The following DCUN1D4 variants were observed in gnomAD, a reference collection of about 807,000 sequenced individuals.
The protein encoded by DCUN1D4 is DCN1-like protein 4.
In DCUN1D4, 22 loss-of-function variants were observed where a neutral mutation model predicts 47.9. The observed-to-expected ratio is 0.46, with a 90% CI of 0.33 to 0.66. The LOEUF (loss-of-function observed/expected upper bound fraction) is 0.66, where lower values mean the gene tolerates loss of function less well. Among genes scored for constraint, DCUN1D4 ranks in the 30% least tolerant of loss-of-function variants. The probability of loss-of-function intolerance (pLI) is 0.02; values close to 1 mark genes in which losing one functional copy is unlikely to be tolerated. For synonymous variants in DCUN1D4, 121 were observed against 112.2 expected, an observed-to-expected ratio of 1.08 and a Z score of -0.50; for missense variants, 301 against 340.8, an observed-to-expected ratio of 0.88 and a Z score of 0.92.
chr4:51,887,698 A>C (rs575800268), intron 6 of DCUN1D4, among the ~76,000 whole-genome samples: 4 of 152,322 alleles, frequency 2.6e-5, no homozygotes, highest in Admixed American at 6.5e-5. Context: ...GGCTGTTTCC[A>C]AGACATCTGG....
chr4:51,891,878 G>A, intron 7 of DCUN1D4, 27 bp downstream of exon 7: 4 of 1,547,636 alleles, frequency 2.6e-6, no homozygotes, highest in South Asian at 1.2e-5. Context: ...ACTAGTGGGG[G>A]TCCCTGCCCT....
At chr4:51,849,294 G>A (rs980399937) in intron 1 of DCUN1D4, among the ~76,000 whole-genome samples, 17 of 152,300 alleles carry the variant, frequency 1.1e-4, no homozygotes, top group African/African-American at 3.9e-4. Flanking sequence ...TGCTTCTAGA[G>A]GCAAGGTCTA....
At position 51,914,794 on chromosome 4, in the gene DCUN1D4, A is replaced by G. The variant is rs1038009637; in HGVS notation, c.*1210A>G. ...TGGATGAGGAAACAAGAATAAACAG[A>G]ATGGTATTTTTAGGTTTGTATTTTA... On this transcript the variant is annotated 3_prime_UTR_variant, in exon 11 of 11. Transcript: ENST00000334635. 1 of 150,876 alleles carries G rather than the reference A, an allele frequency of 6.6e-6. No homozygotes were observed. Among genetic ancestry groups the G allele is most frequent in the Non-Finnish European group, 1.5e-5 (1 of 67,722 alleles). The allele number at this position is 150,876 out of a possible 1,614,324, so 9.3% of individuals were successfully genotyped here.
chr4:51,893,227 G>C (rs1256631377), intron 7 of DCUN1D4, among the ~76,000 whole-genome samples: 1 of 152,072 alleles, frequency 6.6e-6, no homozygotes, highest in African/African-American at 2.4e-5. Flanking sequence ...ATGAGTTTTA[G>C]GTAAAAGCCA....
intron 1 of DCUN1D4, chr4:51,860,545 T>A (rs1384105256): frequency 2.2e-6 from 1 of 454,568 alleles, no homozygotes; most frequent in Admixed American, 2.4e-5. Context: ...TTCTGCAGGC[T>A]TTACAGGAAG....
At chr4:51,845,277 A>G (rs369763281) in intron 1 of DCUN1D4, 1 of 984,972 alleles carries the variant, frequency 1.0e-6, no homozygotes. Flanking sequence ...AATATAAACT[A>G]TGTGTTGGTA....
At chr4:51,837,727 T>C in the DCUN1D4 span, among the ~76,000 whole-genome samples, 1 of 151,236 alleles carries the variant, frequency 6.6e-6, no homozygotes, top group African/African-American at 2.4e-5. Flanking sequence ...TAAATGATAT[T>C]TTCTCTATAT....
At chr4:51,910,040 G>GTGGTCACAGCATCATCCC (rs1302339315) in intron 8 of DCUN1D4, among the ~76,000 whole-genome samples, 2 of 152,178 alleles carry the variant, frequency 1.3e-5, no homozygotes, top group Admixed American at 6.5e-5. Context: ...GCTTAGGGTG[G>GTGGTCACAGCATCATCCC]TGGTCACAGC....
intron 6 of DCUN1D4, chr4:51,886,874 TACAGTA>T (rs1174796195): frequency 2.0e-6 from 1 of 488,674 alleles, no homozygotes; most frequent in Non-Finnish European, 3.7e-6. Flanking sequence ...ATGTAAAAGG[TACAGTA>T]AGCCAGATGC....
intron 8 of DCUN1D4, among the ~76,000 whole-genome samples, chr4:51,905,810 A>G (rs1265602432): frequency 1.3e-5 from 2 of 152,156 alleles, no homozygotes; most frequent in African/African-American, 4.8e-5. Flanking sequence ...ACGGATTTGC[A>G]GTGCTGTTGT....
intron 7 of DCUN1D4, among the ~76,000 whole-genome samples, chr4:51,898,923 C>G (rs1731682868): frequency 6.6e-6 from 1 of 152,138 alleles, no homozygotes; most frequent in Non-Finnish European, 1.5e-5. Flanking sequence ...AACATTGATA[C>G]AGTAGTAAGA....
chr4:51,890,031 T>C (rs963051644), intron 6 of DCUN1D4, among the ~76,000 whole-genome samples: 16 of 152,302 alleles, frequency 1.1e-4, no homozygotes, highest in East Asian at 1.9e-4. Flanking sequence ...CTCACTGATA[T>C]TAATTTCCAG....
At chr4:51,835,242 A>C in the DCUN1D4 span, among the ~76,000 whole-genome samples, 2 of 152,222 alleles carry the variant, frequency 1.3e-5, no homozygotes, top group Admixed American at 1.3e-4. Flanking sequence ...TCTGACTTCC[A>C]TCACTTACTA....
At chr4:51,850,376 G>A (rs1249140036) in intron 1 of DCUN1D4, among the ~76,000 whole-genome samples, 1 of 152,136 alleles carries the variant, frequency 6.6e-6, no homozygotes, top group African/African-American at 2.4e-5. Flanking sequence ...TGCAGGGCTC[G>A]GGTTTTCTCC....
At position 51,914,069 on chromosome 4, in the gene DCUN1D4, C is replaced by T. The variant is rs17577083; in HGVS notation, c.*485C>T. 4,268 of 153,438 alleles carry T rather than the reference C, an allele frequency of 0.028. 96 individuals carry two copies. Among genetic ancestry groups the T allele is most frequent in the East Asian group, 0.06 (310 of 5,172 alleles). 9.5% of individuals were successfully genotyped at this position (153,438 alleles called of 1,614,324 possible). ...ACCTTACTGTTTAAGAGGCCAACTT[C>T]TGGAAGGAGGTAGGAGTCATAACTT... On this transcript the variant is annotated 3_prime_UTR_variant, in exon 11 of 11. Coordinates refer to ENST00000334635, the MANE Select transcript of DCUN1D4 (RefSeq NM_001040402.3).
intron 8 of DCUN1D4, among the ~76,000 whole-genome samples, chr4:51,907,122 C>T (rs923351875): frequency 2.0e-5 from 3 of 152,166 alleles, no homozygotes; most frequent in Non-Finnish European, 4.4e-5. Context: ...GACGTCATTT[C>T]AAATAATGAC....
chr4:51,864,404 T>C (rs1725572829), intron 3 of DCUN1D4, among the ~76,000 whole-genome samples: 1 of 152,200 alleles, frequency 6.6e-6, no homozygotes, highest in African/African-American at 2.4e-5. Context: ...TAGCAAAAAT[T>C]ATTTAAACAC....
At chr4:51,864,711 C>A (rs947092500) in intron 3 of DCUN1D4, among the ~76,000 whole-genome samples, 1 of 152,180 alleles carries the variant, frequency 6.6e-6, no homozygotes, top group African/African-American at 2.4e-5. Flanking sequence ...GAGGGCTCTA[C>A]CTCCCTGACC....
chr4:51,907,708 A>T lies in DCUN1D4; in HGVS notation c.616-3362A>T, dbSNP rs118138909. Among the ~76,000 whole-genome samples, 83 of 151,720 alleles carry T rather than the reference A, an allele frequency of 5.5e-4. 1 individual carries two copies. The East Asian group carries it at 0.015, about 27-fold the overall frequency. ...TCAGGGTTCCTCTTTTCCTCTTTTC[A>T]TATGTAAGTCTTAAGCTGTAAAGTT... On this transcript the variant is annotated intron_variant, in intron 8 of 10. Coordinates refer to ENST00000334635, the MANE Select transcript of DCUN1D4 (RefSeq NM_001040402.3).
Sources: gnomAD v4.1 joint callset for allele counts (sites outside exome capture counted in the v4.1 genomes callset) on GRCh38, gnomAD v4.1.1 for gene constraint, MANE v1.5 for transcripts, NCBI Gene and HGNC (gene_info 2026-07-23, HGNC 2026-07-21) for gene names.